Variants in L2HGDH observed in about 807,000 individuals in gnomAD.
L2HGDH encodes the protein L-2-hydroxyglutarate dehydrogenase, mitochondrial.
L2HGDH carries 34 observed loss-of-function variants against 51.5 expected under a neutral mutation model. That is an observed-to-expected ratio of 0.66 (90% CI 0.50 to 0.88). The LOEUF (loss-of-function observed/expected upper bound fraction) is 0.88. L2HGDH is among the 40% of genes least tolerant of loss of function. The pLI is 0.00. For synonymous variants in L2HGDH, 198 were observed against 197.9 expected, an observed-to-expected ratio of 1.00 and a Z score of -0.01; for missense variants, 558 against 571.9, an observed-to-expected ratio of 0.98 and a Z score of 0.25.
intron 9 of L2HGDH, among the ~76,000 whole-genome samples, chr14:50,256,282 A>G (rs1033375797): frequency 6.6e-6 from 1 of 152,112 alleles, no homozygotes; most frequent in Admixed American, 6.6e-5. Flanking sequence ...TTGGAGGATG[A>G]GGCAGGAGAA....
At chr14:50,259,367 T>TTG (rs1566506690) in intron 9 of L2HGDH, among the ~76,000 whole-genome samples, 71 of 3,946 alleles carry the variant, frequency 0.018, no homozygotes, top group Middle Eastern at 0.17. Flanking sequence ...TCTTTTTCGG[T>TTG]TTTTTTTTTT....
At chr14:50,273,286 T>G (rs147690946) in intron 6 of L2HGDH, among the ~76,000 whole-genome samples, 610 of 152,282 alleles carry the variant, frequency 4.0e-3, no homozygotes, top group Non-Finnish European at 6.4e-3. Context: ...GCCCTGTGGA[T>G]GTTAGTTAGC....
chr14:50,302,502 C>T (rs370476709), intron 2 of L2HGDH, among the ~76,000 whole-genome samples: 1 of 152,124 alleles, frequency 6.6e-6, no homozygotes, highest in Non-Finnish European at 1.5e-5. Context: ...ACATCACTAG[C>T]GGCAATCCTC....
chr14:50,259,181 T>C (rs1335958062), intron 9 of L2HGDH, among the ~76,000 whole-genome samples: 1 of 151,300 alleles, frequency 6.6e-6, no homozygotes, highest in African/African-American at 2.4e-5. Flanking sequence ...ACATGTTGTC[T>C]TGCTAAGCTG....
At chr14:50,257,292 A>G (rs1888723876) in intron 9 of L2HGDH, among the ~76,000 whole-genome samples, 1 of 151,942 alleles carries the variant, frequency 6.6e-6, no homozygotes, top group Non-Finnish European at 1.5e-5. Context: ...AATTCTTCTG[A>G]GTTACCTTCC....
In L2HGDH at chr14:50,252,952, G is replaced by T. The variant is rs368410295; in HGVS notation, c.1197-5699C>A. Among the ~76,000 whole-genome samples the T allele has an allele frequency of 2.6e-4, 40 of 152,200 alleles. No individual in the cohort carries two copies. In the East Asian group the frequency reaches 5.6e-3, roughly 21 times the overall value. On this transcript the variant is annotated intron_variant, in intron 9 of 9. Coordinates refer to ENST00000267436, the MANE Select transcript of L2HGDH (RefSeq NM_024884.3). ...CAAATAGACCTAATAGTTATTTACA[G>T]AACATTTCATCCAATGGCTGCAGAA... is the stretch of plus-strand genomic sequence containing the variant.
chr14:50,289,558 T>TA (rs1406362580), intron 4 of L2HGDH, among the ~76,000 whole-genome samples: 3 of 152,168 alleles, frequency 2.0e-5, no homozygotes, highest in Non-Finnish European at 4.4e-5. Context: ...AAGAGCACTC[T>TA]AATGAGCTGA....
chr14:50,273,862 C>G (rs1889827587), intron 6 of L2HGDH, among the ~76,000 whole-genome samples: 1 of 152,168 alleles, frequency 6.6e-6, no homozygotes, highest in Non-Finnish European at 1.5e-5. Context: ...GGTAGATCAC[C>G]TGAGGTCGGA....
At chr14:50,259,871 T>C (rs1037040165) in intron 9 of L2HGDH, among the ~76,000 whole-genome samples, 2 of 151,590 alleles carry the variant, frequency 1.3e-5, no homozygotes, top group African/African-American at 4.8e-5. Flanking sequence ...CAATAATTGC[T>C]TAGTGTCAGT....
At chr14:50,290,621 G>A (rs1566530652) in intron 4 of L2HGDH, among the ~76,000 whole-genome samples, 1 of 152,062 alleles carries the variant, frequency 6.6e-6, no homozygotes. Context: ...CTGAATATTT[G>A]CGGTTGTATT....
In L2HGDH at chr14:50,283,974, C is replaced by A. The variant is rs748499389; in HGVS notation, c.600G>T (p.Leu200Phe). ...CTTCTTGGAAATCCTGGGCAAATGA[C>A]AAAGCCACCTGCCGATAGTCCACAA... ...TGIVDYRQVA[L>F]SFAQDFQEAG... is the part of the protein sequence containing the mutation. Residue 200 changes from leucine (L) to phenylalanine (F), a missense_variant, in exon 5 of 10, where the codon TTG (leucine) becomes TTT (phenylalanine). By Grantham distance (22) the Leu-to-Phe change is conservative (BLOSUM62 0). This residue lies in a region of L2HGDH where 43 missense variants were observed against 72.9 expected (regional missense o/e 0.59). Transcript: ENST00000267436. 1.2e-6 allele frequency: 2 copies of A among 1,614,076 alleles called. No homozygotes were observed. The highest frequency in any genetic ancestry group is 1.7e-6 in the Non-Finnish European group (2 of 1,179,994).
At chr14:50,287,647 A>C (rs929213790) in intron 4 of L2HGDH, among the ~76,000 whole-genome samples, 1 of 144,754 alleles carries the variant, frequency 6.9e-6, no homozygotes, top group African/African-American at 2.5e-5. Flanking sequence ...AATTTTTGAA[A>C]CTTTTATTTT....
At chr14:50,303,141 C>A in intron 1 of L2HGDH, 124 bp from the exon 2 acceptor site, 1 of 680,262 alleles carries the variant, frequency 1.5e-6, no homozygotes, top group Non-Finnish European at 2.6e-6. Context: ...ACGTATTCGG[C>A]GGCCGGTCGC....
rs145839725 is a variant in L2HGDH at position 50,288,051 on chromosome 14, G to A, written c.541-4018C>T. Among the ~76,000 whole-genome samples the A allele has an allele frequency of 2.5e-3, 380 of 152,176 alleles. 2 individuals carry two copies. The Middle Eastern group carries it at 0.061, about 25-fold the overall frequency. ...TGATATTTCAGTATGTGTCTACAAT[G>A]TGTAATGATCAAATCAGGGTAATTA... On this transcript the variant is annotated intron_variant, in intron 4 of 9. Transcript: ENST00000267436.
intron 9 of L2HGDH, among the ~76,000 whole-genome samples, chr14:50,254,249 C>T (rs1278874651): frequency 6.6e-6 from 1 of 151,916 alleles, no homozygotes; most frequent in Non-Finnish European, 1.5e-5. Context: ...AACCAATTTT[C>T]CATAATGTGA....
At position 50,292,754 on chromosome 14, in the gene L2HGDH, G is replaced by A. The variant is rs564852069; in HGVS notation, c.540+1361C>T. Among the ~76,000 whole-genome samples, 4 of 151,792 alleles carry A rather than the reference G, an allele frequency of 2.6e-5. No homozygotes were observed. In the South Asian group the frequency reaches 6.2e-4, roughly 24 times the overall value. On this transcript the variant is annotated intron_variant, in intron 4 of 9. Coordinates refer to ENST00000267436, the MANE Select transcript of L2HGDH (RefSeq NM_024884.3). ...ACAAAAGTTAGCCAGGTGTGGTGGC[G>A]GGTGCCTGTAATCCCAGCTACTAGA...
chr14:50,287,299 C>T, intron 4 of L2HGDH: 1 of 984,550 alleles, frequency 1.0e-6, no homozygotes, highest in Non-Finnish European at 1.2e-6. Context: ...ATCATGGGTT[C>T]CTGTTCCGAT....
At chr14:50,249,145 C>T (rs1888186168) in intron 9 of L2HGDH, among the ~76,000 whole-genome samples, 2 of 152,214 alleles carry the variant, frequency 1.3e-5, no homozygotes, top group South Asian at 4.1e-4. Context: ...AAGCATCCAT[C>T]CCAGTGGTCA....
chr14:50,257,356 C>A (rs1888729119), intron 9 of L2HGDH, among the ~76,000 whole-genome samples: 1 of 150,358 alleles, frequency 6.7e-6, no homozygotes, highest in Admixed American at 6.8e-5. Context: ...ACCTAGTCAT[C>A]TGAGGTTTTT....
Sources: allele counts gnomAD v4.1 joint callset (sites outside exome capture counted in the v4.1 genomes callset), GRCh38; gene constraint gnomAD v4.1.1; regional missense constraint gnomAD v4.1.1; transcripts MANE v1.5; gene names NCBI Gene and HGNC (gene_info 2026-07-23, HGNC 2026-07-21).